PLCE1: variants seen among roughly 807,000 people sequenced by gnomAD.
PLCE1 encodes 1-phosphatidylinositol 4,5-bisphosphate phosphodiesterase epsilon-1.
In PLCE1, 119 loss-of-function variants were observed where a neutral mutation model predicts 242.8. The observed-to-expected ratio is 0.49, with a 90% CI of 0.42 to 0.57. PLCE1 has a LOEUF of 0.57. Among genes scored for constraint, PLCE1 ranks in the 20% least tolerant of loss-of-function variants. The pLI, the probability that PLCE1 is intolerant of heterozygous loss-of-function variation, is 0.00. For missense variants in PLCE1, 2,441 were observed against 2,788.8 expected (o/e 0.88, Z 2.81); for synonymous variants, 945 against 1,017.4 (o/e 0.93, Z 1.35).
chr10:94,039,837 G>A (rs1457773071), intron 2 of PLCE1, among the ~76,000 whole-genome samples: 1 of 152,146 alleles, frequency 6.6e-6, no homozygotes, highest in Non-Finnish European at 1.5e-5. Context: ...TTAGCCATTT[G>A]TATATCATAG....
chr10:94,096,370 A>G (rs2045308634), intron 2 of PLCE1: 1 of 152,244 alleles, frequency 6.6e-6, no homozygotes, highest in South Asian at 2.1e-4. Context: ...AAGAGATTTA[A>G]TTGACTCACG....
intron 2 of PLCE1, among the ~76,000 whole-genome samples, chr10:94,067,031 T>TC: frequency 2.0e-5 from 3 of 152,224 alleles, no homozygotes; most frequent in African/African-American, 7.2e-5. Context: ...CACTTTGCTT[T>TC]CTTTGTTCAC....
At position 94,234,149 on chromosome 10, in the gene PLCE1, C is replaced by T. The variant is rs2050239028; in HGVS notation, c.2051C>T (p.Ser684Phe). The change falls in exon 6 of 33, where the codon TCT becomes TTT. Residue 684 changes from serine to phenylalanine, a missense_variant. Coordinates refer to ENST00000371380, the MANE Select transcript of PLCE1 (RefSeq NM_016341.4). ...LKDAMAQHES[S>F]CEYRKVVTRA... ...GATGCTATGGCCCAGCATGAGTCCT[C>T]TTGTGAGTACAGAAAGGTGGTGACA... 6.2e-7 allele frequency: 1 copy of T among 1,614,114 alleles called. No homozygotes were observed. The highest frequency in any genetic ancestry group is 1.1e-5 in the South Asian group (1 of 91,080).
At chr10:94,114,893 A>G (rs866006309) in intron 2 of PLCE1, among the ~76,000 whole-genome samples, 1 of 151,868 alleles carries the variant, frequency 6.6e-6, no homozygotes, top group African/African-American at 2.4e-5. Context: ...CATTAGGTGT[A>G]TCTCCTAATG....
chr10:94,191,213 T>C (rs562431142), intron 4 of PLCE1, among the ~76,000 whole-genome samples: 2 of 152,318 alleles, frequency 1.3e-5, no homozygotes, highest in Non-Finnish European at 1.5e-5. Flanking sequence ...GCAAACATTG[T>C]GGAATGGCAT....
intron 4 of PLCE1, among the ~76,000 whole-genome samples, chr10:94,202,039 T>G (rs1257702206): frequency 6.6e-6 from 1 of 152,154 alleles, no homozygotes; most frequent in African/African-American, 2.4e-5. Context: ...AAATCCAGCT[T>G]GGTTTTAGGG....
intron 22 of PLCE1, 21 bp downstream of exon 22, chr10:94,284,986 C>T: frequency 7.8e-7 from 1 of 1,282,204 alleles, no homozygotes; most frequent in South Asian, 1.2e-5. Flanking sequence ...GCAATATCAT[C>T]TATAACTTTT....
At chr10:94,233,259 G>T (rs2050203425) in intron 5 of PLCE1, among the ~76,000 whole-genome samples, 1 of 152,194 alleles carries the variant, frequency 6.6e-6, no homozygotes, top group African/African-American at 2.4e-5. Context: ...CCCAAAATGG[G>T]CTGGTGGCTT....
chr10:94,141,987 A>C (rs2046987844), intron 3 of PLCE1, among the ~76,000 whole-genome samples: 2 of 152,220 alleles, frequency 1.3e-5, no homozygotes, highest in African/African-American at 4.8e-5. Flanking sequence ...CTGAATATTT[A>C]AGTAAAACAA....
intron 4 of PLCE1, chr10:94,225,010 G>A (rs1368132859): frequency 6.6e-6 from 1 of 152,266 alleles, no homozygotes; most frequent in East Asian, 1.9e-4. Flanking sequence ...ACAGATGGAG[G>A]GCAGAGGCAC....
At chr10:94,234,655 A>G (rs1415099554) in intron 6 of PLCE1, among the ~76,000 whole-genome samples, 1 of 152,172 alleles carries the variant, frequency 6.6e-6, no homozygotes, top group African/African-American at 2.4e-5. Flanking sequence ...GTCAATTGAG[A>G]GTATTAAGTT....
intron 4 of PLCE1, among the ~76,000 whole-genome samples, chr10:94,182,682 T>C (rs918657301): frequency 1.3e-5 from 2 of 152,210 alleles, no homozygotes; most frequent in African/African-American, 2.4e-5. Context: ...GAGGATGTGA[T>C]TTTGAAACCT....
chr10:94,171,361 C>T lies in PLCE1; in HGVS notation c.1674C>T (p.Phe558=). The T allele has an allele frequency of 6.2e-7, 1 of 1,614,214 alleles. No homozygotes were observed. The highest frequency in any genetic ancestry group is 8.5e-7 in the Non-Finnish European group (1 of 1,180,022). Reference sequence around the variant, plus strand: ...TCTTGCCAGTCGACTACCTTTGCTTCTTAACACGGGACTTGGGCACTCCTG... The same window carrying T: ...TCTTGCCAGTCGACTACCTTTGCTTTTTAACACGGGACTTGGGCACTCCTG... ...RRVLPVDYLC[F]LTRDLGTPEC... is the part of the protein sequence containing the mutation. The change falls in exon 4 of 33, where the codon TTC becomes TTT. Residue 558 remains phenylalanine (F), a synonymous_variant. Coordinates refer to ENST00000371380, the MANE Select transcript of PLCE1 (RefSeq NM_016341.4).
intron 2 of PLCE1, among the ~76,000 whole-genome samples, chr10:94,050,137 G>T (rs570694826): frequency 5.3e-5 from 8 of 152,124 alleles, no homozygotes; most frequent in Admixed American, 1.3e-4. Context: ...TTTACTCCAC[G>T]TATTAGTCCA....
intron 2 of PLCE1, among the ~76,000 whole-genome samples, chr10:94,058,432 A>T (rs2134914843): frequency 6.6e-6 from 1 of 152,350 alleles, no homozygotes; most frequent in South Asian, 2.1e-4. Flanking sequence ...GCATTCCACG[A>T]TAATCAAGTT....
At chr10:94,215,758 C>T (rs996622233) in intron 4 of PLCE1, among the ~76,000 whole-genome samples, 10 of 152,110 alleles carry the variant, frequency 6.6e-5, no homozygotes, top group South Asian at 2.1e-4. Context: ...AGAAGAGATT[C>T]GAGAAGGGCC....
At chr10:94,180,935 C>T (rs559792265) in intron 4 of PLCE1, among the ~76,000 whole-genome samples, 1 of 152,320 alleles carries the variant, frequency 6.6e-6, no homozygotes, top group African/African-American at 2.4e-5. Flanking sequence ...TAAATTTCCA[C>T]TCTTTATACA....
chr10:94,047,641 A>G (rs919486934), intron 2 of PLCE1, among the ~76,000 whole-genome samples: 1 of 152,196 alleles, frequency 6.6e-6, no homozygotes, highest in Non-Finnish European at 1.5e-5. Context: ...AAAGGGGACC[A>G]ATGTATTTAT....
chr10:94,060,118 T>C (rs777433817), intron 2 of PLCE1, among the ~76,000 whole-genome samples: 10 of 152,032 alleles, frequency 6.6e-5, no homozygotes, highest in Non-Finnish European at 1.0e-4. Flanking sequence ...GATTAGGTGA[T>C]GTGAGAGGCA....
Sources: gnomAD v4.1 joint callset for allele counts (sites outside exome capture counted in the v4.1 genomes callset) on GRCh38, gnomAD v4.1.1 for gene constraint, MANE v1.5 for transcripts, NCBI Gene and HGNC (gene_info 2026-07-23, HGNC 2026-07-21) for gene names.